Variants in HECW2 observed in about 807,000 individuals in gnomAD.
HECW2 encodes the protein HECT, C2 and WW domain containing E3 ubiquitin protein ligase 2, also known as E3 ubiquitin-protein ligase HECW2.
Under a neutral mutation model 175.2 loss-of-function variants are expected in HECW2, and 61 were observed. The ratio of observed to expected loss-of-function variants is 0.35; its 90% CI spans 0.28 to 0.43. The LOEUF (loss-of-function observed/expected upper bound fraction) is 0.43, where lower values mean the gene tolerates loss of function less well. HECW2 is among the 20% of genes least tolerant of loss of function. HECW2 has a pLI of 1.00. For synonymous variants in HECW2, 671 were observed against 731.0 expected, an observed-to-expected ratio of 0.92 and a Z score of 1.32; for missense variants, 1,524 against 2,000.5, an observed-to-expected ratio of 0.76 and a Z score of 4.54.
chr2:196,448,757 C>G (rs567818011), intron 1 of HECW2, among the ~76,000 whole-genome samples: 1 of 152,142 alleles, frequency 6.6e-6, no homozygotes, highest in Non-Finnish European at 1.5e-5. Context: ...TGAGAAGTAG[C>G]AATTTCCCAC....
At chr2:196,479,922 T>C (rs1010325135) in intron 1 of HECW2, among the ~76,000 whole-genome samples, 1 of 152,250 alleles carries the variant, frequency 6.6e-6, no homozygotes, top group Non-Finnish European at 1.5e-5. Flanking sequence ...ACTCTATTTA[T>C]GCATTATTCA....
At chr2:196,248,625 C>CAGAGAGAG (rs1418875889) in intron 19 of HECW2, among the ~76,000 whole-genome samples, 5 of 143,990 alleles carry the variant, frequency 3.5e-5, no homozygotes, top group African/African-American at 1.5e-4. Flanking sequence ...CACACACACA[C>CAGAGAGAG]ACACACAGAG....
chr2:196,370,868 T>C (rs1693888220), intron 2 of HECW2, among the ~76,000 whole-genome samples: 1 of 152,126 alleles, frequency 6.6e-6, no homozygotes, highest in Admixed American at 6.5e-5. Flanking sequence ...GCGCACAGAT[T>C]CTCTCTCTGT....
In HECW2 at chr2:196,319,097, G is replaced by A. The variant is rs572495985; in HGVS notation, c.1793C>T (p.Thr598Ile). 74 of 1,600,678 alleles carry A rather than the reference G, an allele frequency of 4.6e-5. No homozygotes were observed. Among genetic ancestry groups the A allele is most frequent in the Non-Finnish European group, 6.1e-5 (72 of 1,173,526 alleles). The change falls in exon 9 of 29, where the codon ACC (threonine) becomes ATC (isoleucine). Residue 598 changes from threonine (T) to isoleucine (I), a missense_variant. Physicochemically the swap from Thr to Ile is moderately conservative, Grantham distance 89. Coordinates refer to ENST00000644978, the MANE Select transcript of HECW2 (RefSeq NM_001348768.2). ...CTCAGAGCCCTGATCGAGAGACTCG[G>A]TCTCACTGACGGCTCTTCGGCTTCC... ...SGGSRRAVSE[T>I]ESLDQGSEPS...
chr2:196,407,659 C>T (rs574282706), intron 2 of HECW2, among the ~76,000 whole-genome samples: 3 of 152,230 alleles, frequency 2.0e-5, no homozygotes, highest in African/African-American at 7.2e-5. Context: ...ACCTAAATGG[C>T]TAGACTCCTT....
At chr2:196,356,320 C>T (rs551530092) in intron 2 of HECW2, among the ~76,000 whole-genome samples, 43 of 152,304 alleles carry the variant, frequency 2.8e-4, no homozygotes, top group South Asian at 2.1e-3. Flanking sequence ...AAAGCTGGTA[C>T]GGCAGTCACC....
At chr2:196,424,275 T>G (rs1209711187) in intron 2 of HECW2, among the ~76,000 whole-genome samples, 1 of 152,052 alleles carries the variant, frequency 6.6e-6, no homozygotes, top group Non-Finnish European at 1.5e-5. Context: ...TCTTTCTCCC[T>G]CTCTTCAGCT....
intron 2 of HECW2, among the ~76,000 whole-genome samples, chr2:196,397,934 T>C (rs1163626989): frequency 6.6e-6 from 1 of 152,230 alleles, no homozygotes; most frequent in Non-Finnish European, 1.5e-5. Flanking sequence ...AAAGCTGCAC[T>C]GAGCCAAAGT....
intron 19 of HECW2, among the ~76,000 whole-genome samples, chr2:196,247,237 G>A (rs1481442688): frequency 6.6e-6 from 1 of 152,146 alleles, no homozygotes; most frequent in Non-Finnish European, 1.5e-5. Context: ...GCAACAGAGT[G>A]AGGCTCTGTC....
chr2:196,426,958 G>C (rs576784729), intron 2 of HECW2, among the ~76,000 whole-genome samples: 1 of 152,182 alleles, frequency 6.6e-6, no homozygotes, highest in East Asian at 1.9e-4. Context: ...ACTTTTTTAA[G>C]ACTGACAGTC....
Position 196,307,952 on chromosome 2 carries a change from C to A in HECW2, c.2568G>T (p.Met856Ile). The A allele has an allele frequency of 6.4e-7, 1 of 1,566,660 alleles. No individual in the cohort carries two copies. The highest frequency in any genetic ancestry group is 8.7e-7 in the Non-Finnish European group (1 of 1,148,456). Residue 856 changes from methionine to isoleucine, a missense_variant, in exon 11 of 29, where the codon ATG becomes ATT. Met to Ile is a conservative substitution (Grantham distance 10). Transcript: ENST00000644978. The stretch of plus-strand genomic sequence containing the variant: ...ATCCTCACCGCCGGTTCAGCTGCTC[C>A]ATTTGCTGTATGGAGTTAGATCTCT... ...VLQRSNSIQQMEQLNRRYQSI... is the reference protein window; with the variant it reads ...VLQRSNSIQQIEQLNRRYQSI...
chr2:196,299,053 A>T (rs149308021), intron 13 of HECW2, among the ~76,000 whole-genome samples: 1 of 152,328 alleles, frequency 6.6e-6, no homozygotes, highest in African/African-American at 2.4e-5. Context: ...ACTTCTAGCA[A>T]GACAAATTCA....
chr2:196,526,272 G>A (rs1201365255), intron 1 of HECW2, among the ~76,000 whole-genome samples: 1 of 121,622 alleles, frequency 8.2e-6, no homozygotes, highest in Non-Finnish European at 1.7e-5. Context: ...GATCGCATCG[G>A]CTCCTGAGGC....
At chr2:196,509,111 T>C (rs1362287982) in intron 1 of HECW2, among the ~76,000 whole-genome samples, 1 of 152,030 alleles carries the variant, frequency 6.6e-6, no homozygotes, top group Non-Finnish European at 1.5e-5. Flanking sequence ...TTTAATAGGA[T>C]TGTGGGTTTT....
intron 21 of HECW2, among the ~76,000 whole-genome samples, chr2:196,232,366 A>T (rs781676672): frequency 3.3e-5 from 5 of 152,194 alleles, no homozygotes; most frequent in Non-Finnish European, 7.3e-5. Context: ...CTATACATAC[A>T]TACTAGTCTG....
intron 21 of HECW2, 31 bp from the exon 22 acceptor site, chr2:196,228,285 T>C (rs778455472): frequency 6.3e-7 from 1 of 1,577,052 alleles, no homozygotes; most frequent in Non-Finnish European, 8.6e-7. Flanking sequence ...AAGAATAATC[T>C]GTTACTTTTT....
intron 10 of HECW2, among the ~76,000 whole-genome samples, chr2:196,308,829 T>C (rs976252232): frequency 4.6e-5 from 7 of 152,212 alleles, no homozygotes; most frequent in African/African-American, 1.7e-4. Context: ...TAAAAGGCCA[T>C]TCACCTACTG....
At chr2:196,409,176 AGGCTCTG>A (rs2125223855) in intron 2 of HECW2, among the ~76,000 whole-genome samples, 1 of 152,322 alleles carries the variant, frequency 6.6e-6, no homozygotes, top group South Asian at 2.1e-4. Context: ...TTGGCTAGAA[AGGCTCTG>A]GGCTCTGGGA....
chr2:196,323,530 A>G (rs16849567), intron 6 of HECW2, among the ~76,000 whole-genome samples: 2,100 of 152,306 alleles, frequency 0.014, 45 homozygotes, highest in African/African-American at 0.047. Context: ...TTATCTAGTC[A>G]TAACAATTAA....
Sources: gnomAD v4.1 joint callset for allele counts (sites outside exome capture counted in the v4.1 genomes callset) on GRCh38, gnomAD v4.1.1 for gene constraint, MANE v1.5 for transcripts, NCBI Gene and HGNC (gene_info 2026-07-23, HGNC 2026-07-21) for gene names.